Variants in TTLL11 observed in about 807,000 individuals in gnomAD.
TTLL11 encodes tubulin tyrosine ligase like 11.
TTLL11 carries 42 observed loss-of-function variants against 51.7 expected under a neutral mutation model. That is an observed-to-expected ratio of 0.81 (90% CI 0.64 to 1.05). The LOEUF is 1.05. Among genes scored for constraint, TTLL11 ranks in the 50% least tolerant of loss-of-function variants. TTLL11 has a pLI of 0.00. For synonymous variants in TTLL11, 381 were observed against 383.5 expected (o/e 0.99, Z 0.08); for missense variants, 799 against 940.4 (o/e 0.85, Z 1.97).
At chr9:122,067,585 G>A (rs1012773563) in intron 1 of TTLL11, among the ~76,000 whole-genome samples, 3 of 152,116 alleles carry the variant, frequency 2.0e-5, no homozygotes, top group African/African-American at 7.2e-5. Flanking sequence ...GCAATGGCGC[G>A]ATCTCAGCTC....
intron 1 of TTLL11, among the ~76,000 whole-genome samples, chr9:122,061,562 T>C (rs1205661380): frequency 6.6e-6 from 1 of 152,220 alleles, no homozygotes; most frequent in Non-Finnish European, 1.5e-5. Flanking sequence ...ATTTGATGGA[T>C]GTGAAATGGT....
Position 122,002,944 on chromosome 9 carries a change from C to CAAAAAAAAAAAAAA in TTLL11, c.694-13188_694-13175dup, listed in dbSNP as rs547408355. ...CTGGCAACAGAGTGAGACTCTGTCT[C>CAAAAAAAAAAAAAA]AAAAAAAAAAAAAAAAAAAAGAGAT... On this transcript the variant is annotated intron_variant, in intron 3 of 8. Coordinates refer to ENST00000321582, the MANE Select transcript of TTLL11 (RefSeq NM_001139442.2). 1.9e-3 allele frequency among the ~76,000 whole-genome samples: 117 copies of CAAAAAAAAAAAAAA among 61,228 alleles called. 7 individuals carry two copies. The highest frequency in any genetic ancestry group is 9.1e-3 in the African/African-American group (108 of 11,894). 40.2% of individuals were successfully genotyped at this position (61,228 alleles called of 152,430 possible).
At chr9:122,077,833 C>G (rs983323275) in intron 1 of TTLL11, among the ~76,000 whole-genome samples, 1 of 99,194 alleles carries the variant, frequency 1.0e-5, no homozygotes, top group African/African-American at 3.4e-5. Context: ...CAAAAACCTG[C>G]AAAAAAAAAA....
chr9:122,053,658 A>C lies in TTLL11; in HGVS notation c.463-14290T>G, dbSNP rs111768056. ...GAAAGGGGAGGGAGCATGGGTGGGG[A>C]CTGGGCCCAGAAAAAAGTATGCGCA... On this transcript the variant is annotated intron_variant, in intron 1 of 8. Coordinates refer to ENST00000321582, the MANE Select transcript of TTLL11 (RefSeq NM_001139442.2). Among the ~76,000 whole-genome samples the C allele has an allele frequency of 5.3e-3, 813 of 152,164 alleles. 1 individual carries two copies. The highest frequency in any genetic ancestry group is 9.8e-3 in the Non-Finnish European group (665 of 67,986).
At chr9:121,876,281 A>G (rs1838561481) in intron 6 of TTLL11, among the ~76,000 whole-genome samples, 1 of 152,256 alleles carries the variant, frequency 6.6e-6, no homozygotes, top group Admixed American at 6.5e-5. Flanking sequence ...TTAACAGAGA[A>G]GTAGATCTAG....
rs77407045 is a variant in TTLL11, at chr9:121,991,754, C to T, written c.694-1984G>A. Among the ~76,000 whole-genome samples, 898 of 152,240 alleles carry T rather than the reference C, an allele frequency of 5.9e-3. 8 individuals are homozygous for T. The highest frequency in any genetic ancestry group is 0.021 in the African/African-American group (863 of 41,550). ...ACTTCTGCTCTTTGCCAGAATAGTG[C>T]CATACAAATCAAGATTATTAATACT... On this transcript the variant is annotated intron_variant, in intron 3 of 8. Transcript: ENST00000321582.
At chr9:121,944,333 C>T (rs1343753383) in intron 6 of TTLL11, among the ~76,000 whole-genome samples, 1 of 152,100 alleles carries the variant, frequency 6.6e-6, no homozygotes, top group Non-Finnish European at 1.5e-5. Context: ...CATGACGAAT[C>T]CCCGCCTCCA....
intron 6 of TTLL11, among the ~76,000 whole-genome samples, chr9:121,924,585 A>G (rs1445282367): frequency 6.6e-6 from 1 of 152,180 alleles, no homozygotes; most frequent in East Asian, 1.9e-4. Flanking sequence ...AGTTCTGGAG[A>G]AAAAGAAAAG....
chr9:122,007,361 C>A (rs1052243162), intron 3 of TTLL11, among the ~76,000 whole-genome samples: 3 of 151,296 alleles, frequency 2.0e-5, no homozygotes, highest in African/African-American at 7.3e-5. Flanking sequence ...TGGTGGCGGA[C>A]GCCTGTAGGA....
chr9:121,947,930 C>T (rs1473201473), intron 6 of TTLL11, among the ~76,000 whole-genome samples: 1 of 152,142 alleles, frequency 6.6e-6, no homozygotes, highest in Non-Finnish European at 1.5e-5. Flanking sequence ...ATGCTGGTGC[C>T]GTGCTTTTGG....
intron 3 of TTLL11, among the ~76,000 whole-genome samples, chr9:121,993,582 C>T (rs948744810): frequency 6.6e-6 from 1 of 152,224 alleles, no homozygotes; most frequent in Admixed American, 6.5e-5. Flanking sequence ...GTTACAAACA[C>T]ACAAGTGGCA....
chr9:122,012,538 T>C (rs768335670), intron 3 of TTLL11, among the ~76,000 whole-genome samples: 2 of 152,156 alleles, frequency 1.3e-5, no homozygotes, highest in Non-Finnish European at 2.9e-5. Flanking sequence ...AAGATTGTAA[T>C]ACTTGTGATT....
rs183999071 is a variant in TTLL11 at position 122,059,226 on chromosome 9, A to G, written c.463-19858T>C. Among the ~76,000 whole-genome samples the G allele has an allele frequency of 6.3e-4, 96 of 152,340 alleles. 1 individual carries two copies. The highest frequency in any genetic ancestry group is 5.9e-3 in the Admixed American group (91 of 15,300). ...TAATTAATTCATCCACTTGACAAAC[A>G]TTAATCGAATGCCTATCACGTGCTA... On this transcript the variant is annotated intron_variant, in intron 1 of 8. Coordinates refer to ENST00000321582, the MANE Select transcript of TTLL11 (RefSeq NM_001139442.2).
chr9:122,061,054 T>C (rs2131870211), intron 1 of TTLL11, among the ~76,000 whole-genome samples: 1 of 152,320 alleles, frequency 6.6e-6, no homozygotes, highest in African/African-American at 2.4e-5. Context: ...ATTCCATGCC[T>C]CTTCCTGGCT....
At chr9:121,873,123 T>C (rs1319382200) in intron 6 of TTLL11, among the ~76,000 whole-genome samples, 2 of 152,212 alleles carry the variant, frequency 1.3e-5, no homozygotes, top group East Asian at 3.8e-4. Flanking sequence ...AAATGTACAG[T>C]TGGAATACAC....
rs1036726533 is a variant in TTLL11 at position 121,890,251 on chromosome 9, C to T, written c.1482-19503G>A. On this transcript the variant is annotated intron_variant, in intron 6 of 8. Coordinates refer to ENST00000321582, the MANE Select transcript of TTLL11 (RefSeq NM_001139442.2). The surrounding 1 kb of genome is among the most constrained non-coding windows in gnomAD (Gnocchi z 4.3). Reference sequence around the variant, plus strand: ...AACCAGAGAGAAGAGATTCATTCTCCCTCTCCCCTCACAAGCATCAAGCCA... The same window carrying T: ...AACCAGAGAGAAGAGATTCATTCTCTCTCTCCCCTCACAAGCATCAAGCCA... Among the ~76,000 whole-genome samples the T allele has an allele frequency of 1.3e-5, 2 of 152,048 alleles. No individual in the cohort carries two copies. The highest frequency in any genetic ancestry group is 4.8e-5 in the African/African-American group (2 of 41,378).
chr9:122,037,352 T>C (rs1047613815), intron 2 of TTLL11, among the ~76,000 whole-genome samples: 1 of 152,222 alleles, frequency 6.6e-6, no homozygotes, highest in Admixed American at 6.5e-5. Flanking sequence ...GCAAGAATCA[T>C]TCTTGTTCTG....
chr9:122,035,083 T>TAG (rs1294408032), intron 2 of TTLL11, among the ~76,000 whole-genome samples: 6 of 152,204 alleles, frequency 3.9e-5, no homozygotes, highest in Non-Finnish European at 7.3e-5. Context: ...GTGGCTGCCT[T>TAG]AGCAATGCAG....
chr9:122,050,780 G>A (rs543894508), intron 1 of TTLL11, among the ~76,000 whole-genome samples: 19 of 152,238 alleles, frequency 1.2e-4, no homozygotes, highest in Admixed American at 2.6e-4. Flanking sequence ...CTAGGGAGAC[G>A]CCCACATGGT....
Sources: allele counts gnomAD v4.1 joint callset (sites outside exome capture counted in the v4.1 genomes callset), GRCh38; gene constraint gnomAD v4.1.1; non-coding constraint Gnocchi (gnomAD v3.1); transcripts MANE v1.5; gene names NCBI Gene and HGNC (gene_info 2026-07-23, HGNC 2026-07-21).